Variants in ASMTL observed in about 807,000 individuals in gnomAD.
ASMTL encodes the protein acetylserotonin O-methyltransferase like, also known as probable bifunctional dTTP/UTP pyrophosphatase/methyltransferase protein.
In ASMTL, 57 loss-of-function variants were observed where a neutral mutation model predicts 60.3. The observed-to-expected ratio is 0.95, with a 90% confidence interval of 0.76 to 1.18. The LOEUF (loss-of-function observed/expected upper bound fraction) is 1.18. Among genes scored for constraint, ASMTL ranks in the 50% most tolerant of loss-of-function variants. The pLI, the probability that ASMTL is intolerant of heterozygous loss-of-function variation, is 0.00. For missense variants in ASMTL, 981 were observed against 852.6 expected (o/e 1.15, Z -1.88); for synonymous variants, 419 against 373.0 (o/e 1.12, Z -1.42).
chrX:1,452,329 C>T (rs1393624301), intron 1 of ASMTL, among the ~76,000 whole-genome samples: 14 of 145,702 alleles, frequency 9.6e-5, no homozygotes, highest in South Asian at 2.2e-4. Context: ...CTGGAGGTCC[C>T]GGGTTACTCT....
At chrX:1,436,228 C>T (rs1463000315) in intron 3 of ASMTL, among the ~76,000 whole-genome samples, 57 of 152,248 alleles carry the variant, frequency 3.7e-4, no homozygotes, top group Non-Finnish European at 6.3e-4. Context: ...GGCTGGAGTG[C>T]AGTGGCACGG....
Position 1,425,533 on chromosome X carries a change from GTCT to G in ASMTL, c.1049_1051del (p.Lys350del). The G allele has an allele frequency of 3.1e-6, 5 of 1,612,676 alleles. No homozygotes were observed. Among genetic ancestry groups the G allele is most frequent in the Non-Finnish European group, 4.2e-6 (5 of 1,179,628 alleles). ...CCGCTGGGTCCTGTCACCTTGCTCT[GTCT>G]TCTCCAGGAGCCCCATGGCAGCACA... On this transcript the variant is annotated inframe_deletion, in exon 8 of 13. Coordinates refer to ENST00000381317, the MANE Select transcript of ASMTL (RefSeq NM_004192.4).
intron 5 of ASMTL, 35 bp downstream of exon 5, chrX:1,434,987 C>T: frequency 6.2e-7 from 1 of 1,612,928 alleles, no homozygotes; most frequent in Non-Finnish European, 8.5e-7. Context: ...TTGTCTCGGC[C>T]TCTGGGGCTA....
chrX:1,412,771 G>A lies in ASMTL; in HGVS notation c.1606C>T (p.His536Tyr). Residue 536 changes from histidine to tyrosine, a missense_variant, in exon 12 of 13, where the codon CAC becomes TAC. By Grantham distance (83) the His-to-Tyr change is moderately conservative (BLOSUM62 2). Transcript: ENST00000381317. ...TCGGCGACCCTGCTGAGTAACTTGT[G>A]GACTTTGTCGTCTGGCCAGTCATGC... is the stretch of plus-strand genomic sequence containing the variant. ...ILHDWPDDKVHKLLSRVAESC... is the reference protein window; with the variant it reads ...ILHDWPDDKVYKLLSRVAESC... 1 of 1,613,954 alleles carries A rather than the reference G, an allele frequency of 6.2e-7. No individual in the cohort carries two copies. Among genetic ancestry groups the A allele is most frequent in the Non-Finnish European group, 8.5e-7 (1 of 1,179,858 alleles).
At chrX:1,434,356 G>A (rs1212124927) in intron 5 of ASMTL, among the ~76,000 whole-genome samples, 2 of 151,962 alleles carry the variant, frequency 1.3e-5, no homozygotes, top group African/African-American at 2.4e-5. Context: ...CAGGTGTGGT[G>A]GCGTGTGCCT....
At chrX:1,442,604 C>T (rs773555991) in intron 1 of ASMTL, among the ~76,000 whole-genome samples, 15 of 152,172 alleles carry the variant, frequency 9.9e-5, no homozygotes, top group African/African-American at 3.4e-4. Flanking sequence ...AGGAAGAAGC[C>T]AGGAACAAAG....
At chrX:1,448,936 C>T (rs193216482) in intron 1 of ASMTL, among the ~76,000 whole-genome samples, 1 of 152,256 alleles carries the variant, frequency 6.6e-6, no homozygotes, top group Non-Finnish European at 1.5e-5. Flanking sequence ...TGCCTAAAAC[C>T]AGCCCCAAAA....
chrX:1,425,124 G>A (rs1159210188), intron 8 of ASMTL, among the ~76,000 whole-genome samples: 12 of 151,800 alleles, frequency 7.9e-5, no homozygotes, highest in East Asian at 3.9e-4. Context: ...TCTCTCTATC[G>A]TCAATCTATA....
chrX:1,443,290 C>G lies in ASMTL; in HGVS notation c.94-973G>C, dbSNP rs1212162832. 1.4e-3 allele frequency among the ~76,000 whole-genome samples: 15 copies of G among 10,638 alleles called. 1 individual carries two copies. The highest frequency in any genetic ancestry group is 1.8e-3 in the African/African-American group (14 of 7,570). 7.0% of individuals were successfully genotyped at this position (10,638 alleles called of 152,430 possible). A position where few individuals can be genotyped will look rare whatever the true frequency, so the allele number is the denominator to read the frequency against. ...TGGACACACACCGCCATCATGGACA[C>G]ACACCGCCATCTTGGACACACACCG... On this transcript the variant is annotated intron_variant, in intron 1 of 12. Transcript: ENST00000381317.
At chrX:1,417,089 A>G (rs1441362312) in intron 11 of ASMTL, among the ~76,000 whole-genome samples, 2 of 151,652 alleles carry the variant, frequency 1.3e-5, no homozygotes, top group South Asian at 2.1e-4. Flanking sequence ...ATGCACATAG[A>G]TGCAGACACA....
intron 8 of ASMTL, among the ~76,000 whole-genome samples, chrX:1,422,962 A>T (rs1301412309): frequency 7.9e-5 from 12 of 151,502 alleles, no homozygotes; most frequent in African/African-American, 2.7e-4. Flanking sequence ...TAATTTTTTA[A>T]TTTTTTTTGA....
intron 9 of ASMTL, among the ~76,000 whole-genome samples, chrX:1,420,383 CTCTG>C (rs1361081000): frequency 6.8e-6 from 1 of 147,066 alleles, no homozygotes; most frequent in Non-Finnish European, 1.5e-5. Flanking sequence ...CTATCTCTCT[CTCTG>C]TGTCTCCCTG....
chrX:1,442,194 G>A lies in ASMTL; in HGVS notation c.217C>T (p.Leu73=). 1 of 1,613,690 alleles carries A rather than the reference G, an allele frequency of 6.2e-7. No homozygotes were observed. Among genetic ancestry groups the A allele is most frequent in the Non-Finnish European group, 8.5e-7 (1 of 1,179,836 alleles). ...GGGCAGGGGCCCCTTGCCTGGTACA[G>A]CCGGTTGGCCACCTCCAGGGCCTTC... The part of the protein sequence containing the change: ...KQKALEVANR[L]YQKDLRAPDV... The change falls in exon 2 of 13, where the codon CTG becomes TTG. Residue 73 remains leucine (L), a synonymous_variant. Coordinates refer to ENST00000381317, the MANE Select transcript of ASMTL (RefSeq NM_004192.4).
chrX:1,406,284 T>C (rs1359366993), intron 12 of ASMTL, among the ~76,000 whole-genome samples: 1 of 145,474 alleles, frequency 6.9e-6, no homozygotes, highest in Non-Finnish European at 1.5e-5. Context: ...ATGAGATGGA[T>C]GGTTGGGTGA....
intron 9 of ASMTL, among the ~76,000 whole-genome samples, chrX:1,420,129 GTGTCTGTCTGTCTCCATCTTTGTTTC>G (rs2090439580): frequency 6.7e-6 from 1 of 150,144 alleles, no homozygotes; most frequent in Non-Finnish European, 1.5e-5. Flanking sequence ...CTCCCTCTAT[GTGTCTGTCTGTCTCCATCTTTGTTTC>G]TGTCTCCCTA....
intron 1 of ASMTL, among the ~76,000 whole-genome samples, chrX:1,446,735 G>A (rs1403866969): frequency 1.3e-5 from 2 of 152,014 alleles, no homozygotes; most frequent in Admixed American, 1.3e-4. Context: ...TCCTGACCTC[G>A]TGATCCGCCA....
intron 11 of ASMTL, among the ~76,000 whole-genome samples, chrX:1,416,659 G>C (rs2090285581): frequency 6.6e-6 from 1 of 151,300 alleles, no homozygotes; most frequent in Admixed American, 6.6e-5. Context: ...ACACACCACA[G>C]AGAGTTGCAC....
intron 11 of ASMTL, among the ~76,000 whole-genome samples, chrX:1,414,484 G>A (rs1269344021): frequency 1.3e-5 from 2 of 152,150 alleles, no homozygotes; most frequent in Non-Finnish European, 2.9e-5. Flanking sequence ...AAGACGGGTG[G>A]ATGACCTGAG....
chrX:1,429,208 CTTATT>C (rs1182812080), intron 6 of ASMTL, among the ~76,000 whole-genome samples: 12 of 151,142 alleles, frequency 7.9e-5, no homozygotes, highest in Admixed American at 4.0e-4. Context: ...TTTTCTCTTT[CTTATT>C]TTATCTATTT....
Sources: allele counts gnomAD v4.1 joint callset (sites outside exome capture counted in the v4.1 genomes callset), GRCh38; gene constraint gnomAD v4.1.1; transcripts MANE v1.5; gene names NCBI Gene and HGNC (gene_info 2026-07-23, HGNC 2026-07-21).